Variants in OGG1 observed in about 807,000 individuals in gnomAD.
OGG1 encodes the protein 8-oxoguanine DNA glycosylase.
A neutral mutation model predicts 42.3 loss-of-function variants in OGG1; 35 were observed. The observed-to-expected ratio is 0.83, with a 90% CI of 0.63 to 1.10. OGG1 has a LOEUF of 1.10. OGG1 is among the 50% of genes least tolerant of loss of function. OGG1 has a pLI of 0.00. For synonymous variants in OGG1, 189 were observed against 179.0 expected (o/e 1.06, Z -0.44); for missense variants, 484 against 446.7 (o/e 1.08, Z -0.75).
downstream of OGG1, chr3:9,760,028 G>C: frequency 2.9e-6 from 1 of 350,124 alleles, no homozygotes; most frequent in Non-Finnish European, 5.4e-6. Flanking sequence ...GGATCACGAG[G>C]TCAGGAGTTC....
intron 2 of OGG1, among the ~76,000 whole-genome samples, chr3:9,775,231 C>G (rs754547708): frequency 3.3e-5 from 5 of 151,638 alleles, no homozygotes; most frequent in Non-Finnish European, 7.4e-5. Context: ...AGAGCAAGAC[C>G]CTGTCTCAAA....
chr3:9,772,845 C>A (rs1316300890), intron 2 of OGG1, among the ~76,000 whole-genome samples: 1 of 152,204 alleles, frequency 6.6e-6, no homozygotes, highest in East Asian at 1.9e-4. Context: ...CCCCACCAAC[C>A]AGAGACAACC....
At position 9,751,142 on chromosome 3, in the gene OGG1, AC is replaced by A; in HGVS notation, c.336del (p.Trp113GlyfsTer96). ...GTTACCCTGGCTCAACTGTATCACCACTGGGGTTCCGTGGACTCCCACTTCC... is the reference window on the plus strand; with the variant it reads ...GTTACCCTGGCTCAACTGTATCACCATGGGGTTCCGTGGACTCCCACTTCC... ...LDVTLAQLYH[H>X]WGSVDSHFQE... is the part of the protein sequence containing the mutation. On this transcript the variant is annotated frameshift_variant, in exon 2 of 7. Coordinates refer to ENST00000344629, the MANE Select transcript of OGG1 (RefSeq NM_002542.6). LOFTEE classifies it high-confidence loss of function. 6.2e-7 allele frequency: 1 copy of A among 1,614,198 alleles called. No homozygotes were observed. The highest frequency in any genetic ancestry group is 8.5e-7 in the Non-Finnish European group (1 of 1,180,026).
chr3:9,787,552 C>T, intron 3 of OGG1: 1 of 965,962 alleles, frequency 1.0e-6, no homozygotes, highest in South Asian at 1.7e-5. Context: ...AAGACACACA[C>T]ACAGAAGCCA....
At chr3:9,784,878 G>A (rs1430043757) in intron 3 of OGG1, among the ~76,000 whole-genome samples, 2 of 149,210 alleles carry the variant, frequency 1.3e-5, no homozygotes, top group Non-Finnish European at 1.5e-5. Context: ...AAAAAAAAAA[G>A]AAAAAGAAAA....
chr3:9,783,828 C>T, intron 3 of OGG1: 2 of 944,678 alleles, frequency 2.1e-6, no homozygotes, highest in South Asian at 4.7e-5. Context: ...GTCACAGATG[C>T]CTGAGCCCCA....
intron 2 of OGG1, among the ~76,000 whole-genome samples, chr3:9,778,253 TTCTC>T (rs1473120433): frequency 3.9e-5 from 6 of 152,218 alleles, no homozygotes; most frequent in Non-Finnish European, 2.9e-5. Context: ...TGGGTGTCTT[TTCTC>T]TCTGAGAAGG....
chr3:9,758,065 A>G, downstream of OGG1: 2 of 591,718 alleles, frequency 3.4e-6, no homozygotes, highest in South Asian at 5.4e-5. Flanking sequence ...ATCTATATAT[A>G]TAAATAGAAA....
At chr3:9,774,678 T>C (rs2078343427) in intron 2 of OGG1, among the ~76,000 whole-genome samples, 1 of 152,142 alleles carries the variant, frequency 6.6e-6, no homozygotes, top group South Asian at 2.1e-4. Context: ...TCACTAGTGA[T>C]ACAAAAAAGT....
In OGG1 at chr3:9,766,004, C is replaced by T. The variant is rs1222507444; in HGVS notation, c.*173C>T. 6 of 1,614,168 alleles carry T rather than the reference C, an allele frequency of 3.7e-6. No homozygotes were observed. The African/African-American group carries it at 4.0e-5, about 11-fold the overall frequency. The stretch of plus-strand genomic sequence containing the variant: ...CTGCTGGACCAAGGACGTGGATGAC[C>T]CTCCCCTAGTCACTCATCCATCCCC... On this transcript the variant is annotated 3_prime_UTR_variant, in exon 8 of 8. Coordinates refer to the OGG1 transcript ENST00000302008.
chr3:9,756,412 C>A (rs2077562169), intron 4 of OGG1, 59 bp from the exon 5 acceptor site: 1 of 1,592,748 alleles, frequency 6.3e-7, no homozygotes, highest in African/African-American at 1.3e-5. Flanking sequence ...GGGCTATAAG[C>A]AAGATGCTGG....
chr3:9,779,063 A>AT (rs1250235351), intron 2 of OGG1, among the ~76,000 whole-genome samples: 3 of 151,932 alleles, frequency 2.0e-5, no homozygotes, highest in African/African-American at 7.3e-5. Flanking sequence ...GTACCAGAGC[A>AT]TATTTATTCA....
At chr3:9,788,428 G>A (rs990142917), downstream of OGG1, among the ~76,000 whole-genome samples, 10 of 151,784 alleles carry the variant, frequency 6.6e-5, no homozygotes, top group Non-Finnish European at 1.3e-4. Context: ...TCTATTTTTA[G>A]TAGAGACGGG....
chr3:9,777,447 C>G (rs1452279321), intron 2 of OGG1, among the ~76,000 whole-genome samples: 1 of 152,146 alleles, frequency 6.6e-6, no homozygotes, highest in African/African-American at 2.4e-5. Context: ...ATTCCTGCAT[C>G]AAGGCTGCAT....
chr3:9,782,680 A>G (rs1030269509), intron 3 of OGG1, among the ~76,000 whole-genome samples: 1 of 151,488 alleles, frequency 6.6e-6, no homozygotes, highest in Non-Finnish European at 1.5e-5. Context: ...AATCCCAACT[A>G]CTCAGGAGGC....
downstream of OGG1, among the ~76,000 whole-genome samples, chr3:9,769,192 C>G (rs2078238518): frequency 6.6e-6 from 1 of 151,864 alleles, no homozygotes; most frequent in Non-Finnish European, 1.5e-5. Context: ...ACCCAGCTCC[C>G]TCTTACACCC....
At chr3:9,770,082 A>C (rs1262542786), downstream of OGG1, 1 of 152,468 alleles carries the variant, frequency 6.6e-6, no homozygotes, top group Non-Finnish European at 1.5e-5. Context: ...GCACGGGTGG[A>C]GGCCATCTCC....
chr3:9,750,144 A>G lies in OGG1; in HGVS notation c.-143A>G. Reference sequence around the variant, plus strand: ...AGGCATGCAGGAGGTGGAGGAATTAAGTGAAACAGGGAAGGTTGTTAAACA... The same window carrying G: ...AGGCATGCAGGAGGTGGAGGAATTAGGTGAAACAGGGAAGGTTGTTAAACA... On this transcript the variant is annotated 5_prime_UTR_variant, in exon 1 of 7. Transcript: ENST00000344629. 9.3e-7 allele frequency: 1 copy of G among 1,070,012 alleles called. No homozygotes were observed. The highest frequency in any genetic ancestry group is 1.6e-5 in the South Asian group (1 of 63,806). The allele number at this position is 1,070,012 out of a possible 1,614,324, so 66.3% of individuals were successfully genotyped here. A position where few individuals can be genotyped will look rare whatever the true frequency, so the allele number is the denominator to read the frequency against.
downstream of OGG1, chr3:9,761,469 G>A (rs781136838): frequency 3.1e-5 from 50 of 1,611,724 alleles, no homozygotes; most frequent in Non-Finnish European, 4.1e-5. Context: ...ACAAGATGTA[G>A]GCGATGACAC....
Sources: allele counts gnomAD v4.1 joint callset (sites outside exome capture counted in the v4.1 genomes callset), GRCh38; gene constraint gnomAD v4.1.1; transcripts MANE v1.5; gene names NCBI Gene and HGNC (gene_info 2026-07-23, HGNC 2026-07-21).